LTF: variants seen among roughly 807,000 people sequenced by gnomAD.
LTF encodes lactotransferrin, also known as epididymis luminal protein 110.
In LTF, 91 loss-of-function variants were observed where a neutral mutation model predicts 87.2. That is an observed-to-expected ratio of 1.04 (90% CI 0.88 to 1.24). The LOEUF (loss-of-function observed/expected upper bound fraction) is 1.24, where lower values mean the gene tolerates loss of function less well. Among genes scored for constraint, LTF ranks in the 50% most tolerant of loss-of-function variants. LTF has a pLI of 0.00. For synonymous variants in LTF, 378 were observed against 356.1 expected (o/e 1.06, Z -0.69); for missense variants, 901 against 904.3 (o/e 1.00, Z 0.05).
intron 5 of LTF, 48 bp downstream of exon 5, chr3:46,455,247 G>A (rs1256187932): frequency 2.5e-6 from 4 of 1,612,948 alleles, no homozygotes; most frequent in African/African-American, 1.3e-5. Context: ...CCCGGCCTGA[G>A]GCCAAGGGAC....
intron 14 of LTF, 23 bp from the exon 15 acceptor site, chr3:46,439,503 A>G (rs55787894): frequency 0.13 from 206,590 of 1,582,106 alleles, 14,413 homozygotes; most frequent in South Asian, 0.17. Flanking sequence ...AGAAGGTGGC[A>G]TCATCCACGC....
chr3:46,454,204 G>C (rs560691305), intron 6 of LTF, 101 bp downstream of exon 6: 4 of 986,888 alleles, frequency 4.1e-6, no homozygotes, highest in Non-Finnish European at 6.5e-6. Flanking sequence ...TCTTGAAAAT[G>C]GTCTGCCATG....
chr3:46,464,909 A>G, upstream of LTF: 3 of 1,607,018 alleles, frequency 1.9e-6, no homozygotes, highest in Non-Finnish European at 2.6e-6. Flanking sequence ...AGGCTCTGCC[A>G]CTTGCGCCTG....
At chr3:46,470,231 C>T (rs1183507576) in intron 2 of LTF, 2 of 152,406 alleles carry the variant, frequency 1.3e-5, no homozygotes. Flanking sequence ...GCAGGTCAGG[C>T]CCTGGGGGAG....
intron 15 of LTF, among the ~76,000 whole-genome samples, 168 bp downstream of exon 15, chr3:46,439,128 T>C (rs538566271): frequency 7.9e-5 from 12 of 152,312 alleles, no homozygotes; most frequent in African/African-American, 2.9e-4. Flanking sequence ...TCTGTTGTTC[T>C]TGTTGACACT....
In LTF at chr3:46,436,104, G is replaced by A; in HGVS notation, c.*91C>T. The A allele has an allele frequency of 2.4e-6, 3 of 1,241,274 alleles. No individual in the cohort carries two copies. Among genetic ancestry groups the A allele is most frequent in the Admixed American group, 1.7e-5 (1 of 58,140 alleles). 76.9% of individuals were successfully genotyped at this position (1,241,274 alleles called of 1,614,324 possible). On this transcript the variant is annotated 3_prime_UTR_variant, in exon 17 of 17. Coordinates refer to ENST00000231751, the MANE Select transcript of LTF (RefSeq NM_002343.6). ...ATGGGCAATCCCCACCTTCAGCAGG[G>A]GAGGCCAAGGCCCCAACACACCTGG...
chr3:46,457,502 C>T (rs1440123707), intron 2 of LTF, among the ~76,000 whole-genome samples: 2 of 152,224 alleles, frequency 1.3e-5, no homozygotes, highest in East Asian at 1.9e-4. Flanking sequence ...CCCTGTGACC[C>T]GGGCTGCCGT....
chr3:46,436,404 C>T (rs1426624189), intron 16 of LTF, among the ~76,000 whole-genome samples, 175 bp from the exon 17 acceptor site: 1 of 152,238 alleles, frequency 6.6e-6, no homozygotes, highest in Non-Finnish European at 1.5e-5. Flanking sequence ...CTACGGTGTT[C>T]AAGGGAGCCA....
intron 6 of LTF, among the ~76,000 whole-genome samples, chr3:46,453,273 C>T (rs144442439): frequency 3.1e-4 from 47 of 152,360 alleles, no homozygotes; most frequent in Non-Finnish European, 4.0e-4. Flanking sequence ...AACGAACTAT[C>T]TATTGCATTA....
At chr3:46,438,353 C>T (rs917403084) in intron 15 of LTF, among the ~76,000 whole-genome samples, 10 of 152,192 alleles carry the variant, frequency 6.6e-5, no homozygotes, top group Non-Finnish European at 1.2e-4. Context: ...CACTTCTGGT[C>T]CTACCTCCTA....
intron 11 of LTF, 120 bp from the exon 12 acceptor site, chr3:46,445,556 T>C: frequency 2.5e-6 from 2 of 793,100 alleles, no homozygotes; most frequent in Non-Finnish European, 4.0e-6. Context: ...CAGGCAATGA[T>C]TCCCTCAAAG....
At chr3:46,473,847 A>G (rs1296270588) in intron 1 of LTF, among the ~76,000 whole-genome samples, 1 of 152,238 alleles carries the variant, frequency 6.6e-6, no homozygotes, top group Non-Finnish European at 1.5e-5. Flanking sequence ...GATTCCAGGA[A>G]TTAGGACATG....
chr3:46,470,366 T>G (rs1275158946), exon 2 of LTF: 1 of 152,398 alleles, frequency 6.6e-6, no homozygotes, highest in Non-Finnish European at 1.5e-5. Context: ...AGTACCTGAG[T>G]TGCTGGCCCA....
At position 46,439,317 on chromosome 3, in the gene LTF, T is replaced by C; in HGVS notation, c.1887A>G (p.Lys629=). 6.2e-7 allele frequency: 1 copy of C among 1,613,226 alleles called. No homozygotes were observed. ...VSRMDKVERL[K]QVLLHQQAKF... Reference sequence around the variant, plus strand: ...ATACCTGTTGGTGGAGCAACACCTGTTTCAGGCGTTCCACCTTATCCATCC... The same window carrying C: ...ATACCTGTTGGTGGAGCAACACCTGCTTCAGGCGTTCCACCTTATCCATCC... The change falls in exon 15 of 17, where the codon AAA becomes AAG. Residue 629 remains lysine (K), a synonymous_variant. Transcript: ENST00000231751.
At chr3:46,465,751 C>T (rs2106910551), upstream of LTF, among the ~76,000 whole-genome samples, 1 of 152,284 alleles carries the variant, frequency 6.6e-6, no homozygotes, top group East Asian at 1.9e-4. Flanking sequence ...TCTAAGAATA[C>T]ATCTCGTAAA....
chr3:46,484,385 G>C (rs1190086764), intron 1 of LTF, among the ~76,000 whole-genome samples: 1 of 152,188 alleles, frequency 6.6e-6, no homozygotes, highest in Non-Finnish European at 1.5e-5. Context: ...CCATCTCCGT[G>C]AGGTAGGTCC....
At chr3:46,463,751 A>G (rs969935185) in intron 1 of LTF, 3 of 580,340 alleles carry the variant, frequency 5.2e-6, no homozygotes, top group Non-Finnish European at 6.5e-6. Context: ...CCTGTGCAAC[A>G]GGCCACTCGC....
chr3:46,447,173 C>G, intron 10 of LTF, 135 bp downstream of exon 10: 1 of 672,020 alleles, frequency 1.5e-6, no homozygotes. Flanking sequence ...CCTTTCATTT[C>G]TTCTTTCCCT....
chr3:46,465,946 A>G (rs1301966223), upstream of LTF, among the ~76,000 whole-genome samples: 2 of 152,208 alleles, frequency 1.3e-5, no homozygotes, highest in Admixed American at 1.3e-4. Flanking sequence ...AACTTAGCCC[A>G]AGAGTAACTA....
Sources: allele counts gnomAD v4.1 joint callset (sites outside exome capture counted in the v4.1 genomes callset), GRCh38; gene constraint gnomAD v4.1.1; transcripts MANE v1.5; gene names NCBI Gene and HGNC (gene_info 2026-07-23, HGNC 2026-07-21).